PSMC2: variants seen among roughly 807,000 people sequenced by gnomAD.
The protein encoded by PSMC2 is 26S proteasome regulatory subunit 7.
Under a neutral mutation model 53.3 loss-of-function variants are expected in PSMC2, and 7 were observed. The ratio of observed to expected loss-of-function variants is 0.13; its 90% confidence interval spans 0.07 to 0.25. The LOEUF is 0.25. Among genes scored for constraint, PSMC2 ranks in the 10% least tolerant of loss-of-function variants. The pLI is 1.00. For synonymous variants in PSMC2, 169 were observed against 183.9 expected (o/e 0.92, Z 0.66); for missense variants, 241 against 544.0 (o/e 0.44, Z 5.54).
intron 8 of PSMC2, among the ~76,000 whole-genome samples, chr7:103,365,014 T>C (rs931665804): frequency 3.5e-5 from 5 of 144,000 alleles, no homozygotes; most frequent in Non-Finnish European, 6.0e-5. Context: ...CTATATGTAT[T>C]GTATCTGAAA....
intron 4 of PSMC2, among the ~76,000 whole-genome samples, chr7:103,360,928 A>G (rs1242736445): frequency 6.6e-6 from 1 of 150,930 alleles, no homozygotes; most frequent in Non-Finnish European, 1.5e-5. Flanking sequence ...CCTGGCCAAC[A>G]TGGTGAAACC....
At chr7:103,365,757 G>A (rs763217309) in intron 8 of PSMC2, among the ~76,000 whole-genome samples, 16 of 151,876 alleles carry the variant, frequency 1.1e-4, no homozygotes, top group Non-Finnish European at 1.9e-4. Context: ...CTGAAACCCC[G>A]TCTCTACTAA....
intron 1 of PSMC2, chr7:103,352,983 CTCTG>C (rs1819809247): frequency 1.3e-6 from 1 of 779,894 alleles, no homozygotes; most frequent in Admixed American, 1.7e-5. Flanking sequence ...TTTTTTACCA[CTCTG>C]TCTATTTGCA....
intron 9 of PSMC2, 45 bp downstream of exon 9, chr7:103,366,208 G>A: frequency 6.6e-7 from 1 of 1,512,110 alleles, no homozygotes; most frequent in Non-Finnish European, 9.2e-7. Flanking sequence ...TCAGTTTCAT[G>A]AAAGCTGTAA....
In PSMC2 at chr7:103,354,871, C is replaced by G. The variant is rs779920178; in HGVS notation, c.112C>G (p.Gln38Glu). Residue 38 changes from glutamine to glutamate, a missense_variant, in exon 3 of 12, where the codon CAG becomes GAG. Transcript: ENST00000292644. The part of the protein sequence containing the change: ...GDIALLKTYG[Q>E]STYSRQIKQV... ...TAAACTGACCTTCATCACCTAGGGT[C>G]AGAGCACTTACTCTAGGCAGATCAA... 1 of 1,608,844 alleles carries G rather than the reference C, an allele frequency of 6.2e-7. No homozygotes were observed. The highest frequency in any genetic ancestry group is 1.1e-5 in the South Asian group (1 of 90,768).
chr7:103,350,626 C>G (rs566995225), intron 1 of PSMC2, among the ~76,000 whole-genome samples: 1 of 152,082 alleles, frequency 6.6e-6, no homozygotes, highest in Admixed American at 6.5e-5. Context: ...GTAGTTAGGA[C>G]AACAGGCGTG....
Position 103,364,247 on chromosome 7 carries a change from G to C in PSMC2, c.696G>C (p.Arg232=). The change falls in exon 8 of 12, where the codon CGG becomes CGC. Residue 232 remains arginine (R), a synonymous_variant. Coordinates refer to ENST00000292644, the MANE Select transcript of PSMC2 (RefSeq NM_002803.4). ...TCTGTGCGCGGGCAGTTGCTAATCG[G>C]ACTGATGCGTGCTTCATTCGAGTTA... The part of the protein sequence containing the change: ...KTLCARAVAN[R]TDACFIRVIG... 1 of 1,614,222 alleles carries C rather than the reference G, an allele frequency of 6.2e-7. No homozygotes were observed.
intron 1 of PSMC2, among the ~76,000 whole-genome samples, chr7:103,348,266 C>T (rs973490816): frequency 6.6e-6 from 1 of 152,330 alleles, no homozygotes; most frequent in Admixed American, 6.5e-5. Flanking sequence ...TCCTTGGCCC[C>T]AGCCACCAAC....
chr7:103,362,321 A>C (rs987711820), intron 5 of PSMC2: 2 of 1,372,376 alleles, frequency 1.5e-6, no homozygotes, highest in Non-Finnish European at 1.9e-6. Flanking sequence ...TTCAAATTTC[A>C]GAGTTGAGGT....
chr7:103,358,989 T>C (rs1284133876), intron 4 of PSMC2, among the ~76,000 whole-genome samples: 1 of 150,530 alleles, frequency 6.6e-6, no homozygotes, highest in African/African-American at 2.4e-5. Flanking sequence ...CTTGTGAATT[T>C]TTTTTTTTTT....
intron 1 of PSMC2, among the ~76,000 whole-genome samples, chr7:103,348,351 T>C (rs2116108362): frequency 6.6e-6 from 1 of 152,304 alleles, no homozygotes; most frequent in South Asian, 2.1e-4. Context: ...CAAGCAAGTG[T>C]GCTTATCTAT....
At position 103,362,050 on chromosome 7, in the gene PSMC2, G is replaced by C. The variant is rs1446512014; in HGVS notation, c.384G>C (p.Gln128His). ...FAKFVVDLSD[Q>H]VAPTDIEEGM... Reference sequence around the variant, plus strand: ...AGTTTGTGGTGGACCTTAGTGATCAGGTGGCACCTACTGACATTGAAGAAG... The same window carrying C: ...AGTTTGTGGTGGACCTTAGTGATCACGTGGCACCTACTGACATTGAAGAAG... The change falls in exon 5 of 12, where the codon CAG (glutamine) becomes CAC (histidine). Residue 128 changes from glutamine to histidine, a missense_variant. Gln to His is a conservative substitution (Grantham distance 24). Around this residue, in one of 6 missense-constraint regions of PSMC2, gnomAD observed 75 missense variants for 185.1 expected, o/e 0.41. Transcript: ENST00000292644. The C allele has an allele frequency of 6.2e-7, 1 of 1,613,360 alleles. No homozygotes were observed. The highest frequency in any genetic ancestry group is 8.5e-7 in the Non-Finnish European group (1 of 1,179,836).
chr7:103,347,615 A>G (rs902349255), upstream of PSMC2: 8 of 1,458,884 alleles, frequency 5.5e-6, no homozygotes, highest in South Asian at 1.1e-5. Flanking sequence ...TCTGAGCCCA[A>G]TTTACTTCCG....
chr7:103,363,245 G>T (rs900532878), intron 6 of PSMC2, 99 bp from the exon 7 acceptor site: 4 of 904,512 alleles, frequency 4.4e-6, no homozygotes, highest in Middle Eastern at 2.2e-4. Context: ...ATTCTCACTT[G>T]TGAGTTTTTC....
intron 1 of PSMC2, chr7:103,352,815 G>A: frequency 1.3e-6 from 1 of 780,360 alleles, no homozygotes; most frequent in Non-Finnish European, 2.4e-6. Flanking sequence ...CCCACTAACA[G>A]ATTCCAGAGC....
chr7:103,367,717 G>A lies in PSMC2; in HGVS notation c.1052G>A (p.Arg351Gln), dbSNP rs1199999323. 3.1e-6 allele frequency: 5 copies of A among 1,612,280 alleles called. No individual in the cohort carries two copies. The highest frequency in any genetic ancestry group is 2.2e-5 in the East Asian group (1 of 44,862). ...TGTCAATTTTCTCATTTTTAGGGTC[G>A]GACCCACATATTTAAGATTCACGCT... ...IEFSLPDLEGRTHIFKIHARS... is the reference protein window; with the variant it reads ...IEFSLPDLEGQTHIFKIHARS... Residue 351 changes from arginine to glutamine, a missense_variant, in exon 11 of 12, where the codon CGG (arginine) becomes CAG (glutamine). Transcript: ENST00000292644. The surrounding 1 kb of genome is among the most constrained non-coding windows in gnomAD (Gnocchi z 6.1).
chr7:103,364,673 G>A (rs973654885), intron 8 of PSMC2, among the ~76,000 whole-genome samples: 8 of 152,120 alleles, frequency 5.3e-5, no homozygotes, highest in African/African-American at 1.7e-4. Context: ...CTCCCAGAGT[G>A]CTGGTAGTAT....
intron 4 of PSMC2, among the ~76,000 whole-genome samples, chr7:103,357,569 T>C (rs1161550700): frequency 6.6e-6 from 1 of 152,214 alleles, no homozygotes; most frequent in Non-Finnish European, 1.5e-5. Flanking sequence ...TTTTGTTTCC[T>C]CTGCCTTCAC....
In PSMC2 at chr7:103,347,707, C is replaced by T. The variant is rs768342722; in HGVS notation, c.-5C>T. 2.5e-6 allele frequency: 4 copies of T among 1,613,916 alleles called. No homozygotes were observed. Among genetic ancestry groups the T allele is most frequent in the Non-Finnish European group, 3.4e-6 (4 of 1,179,874 alleles). Reference sequence around the variant, plus strand: ...TAAGGAGCGGAGGCTTTTGGAGCTGCTAAAATGCCGGATTACCTCGGTGCC... The same window carrying T: ...TAAGGAGCGGAGGCTTTTGGAGCTGTTAAAATGCCGGATTACCTCGGTGCC... On this transcript the variant is annotated 5_prime_UTR_variant, in exon 1 of 12. Transcript: ENST00000292644.
Sources: gnomAD v4.1 joint callset for allele counts (sites outside exome capture counted in the v4.1 genomes callset) on GRCh38, gnomAD v4.1.1 for gene constraint, gnomAD v4.1.1 regional missense constraint, Gnocchi (gnomAD v3.1) non-coding constraint, MANE v1.5 for transcripts, NCBI Gene and HGNC (gene_info 2026-07-23, HGNC 2026-07-21) for gene names.